Variants in GNAI1 observed in about 807,000 individuals in gnomAD.
GNAI1 encodes the protein guanine nucleotide-binding protein G(i) subunit alpha-1.
A neutral mutation model predicts 38.9 loss-of-function variants in GNAI1; 11 were observed. The observed-to-expected ratio is 0.28, with a 90% CI of 0.18 to 0.47. The LOEUF is 0.47. GNAI1 is among the 20% of genes least tolerant of loss of function. The pLI, the probability that GNAI1 is intolerant of heterozygous loss-of-function variation, is 0.99. For missense variants in GNAI1, 317 were observed against 436.9 expected, an observed-to-expected ratio of 0.73 and a Z score of 2.45; for synonymous variants, 166 against 145.1, an observed-to-expected ratio of 1.14 and a Z score of -1.04.
chr7:80,154,804 T>C (rs1242390294), intron 1 of GNAI1, among the ~76,000 whole-genome samples: 1 of 152,234 alleles, frequency 6.6e-6, no homozygotes, highest in Non-Finnish European at 1.5e-5. Context: ...GTTTTGATTA[T>C]TGTCAGTGGA....
chr7:80,223,465 A>T lies in GNAI1; in HGVS notation c.*5972A>T, dbSNP rs2115746459. Among the ~76,000 whole-genome samples the T allele has an allele frequency of 6.6e-6, 1 of 152,324 alleles. No individual in the cohort carries two copies. Among genetic ancestry groups the T allele is most frequent in the East Asian group, 1.9e-4 (1 of 5,178 alleles). Reference sequence around the variant, plus strand: ...TGTTGTGCACTCTTGAATTTTAATTATGTTCTGTGGAAACTTCACAGAGTT... The same window carrying T: ...TGTTGTGCACTCTTGAATTTTAATTTTGTTCTGTGGAAACTTCACAGAGTT... On this transcript the variant is annotated 3_prime_UTR_variant, in exon 8 of 8. Transcript: ENST00000649796.
intron 1 of GNAI1, among the ~76,000 whole-genome samples, chr7:80,152,943 TA>T (rs899525105): frequency 1.2e-3 from 174 of 147,978 alleles, no homozygotes; most frequent in Admixed American, 3.8e-3. Context: ...TGAAATTTAT[TA>T]AAAAAAAAAC....
At chr7:80,135,433 GT>G (rs1451817817) in intron 1 of GNAI1, 155 bp downstream of exon 1, 1 of 438,022 alleles carries the variant, frequency 2.3e-6, no homozygotes, top group Non-Finnish European at 3.9e-6. Context: ...GGCAAGGCGG[GT>G]CCCCCTCTCC....
At position 80,135,042 on chromosome 7, in the gene GNAI1, G is replaced by A; in HGVS notation, c.-119G>A. Reference sequence around the variant, plus strand: ...ACTCCGCTTAGGAAGTGGTGGGGGCGGCGTGGCCCCCGTCGGGAGGCGTTC... The same window carrying A: ...ACTCCGCTTAGGAAGTGGTGGGGGCAGCGTGGCCCCCGTCGGGAGGCGTTC... On this transcript the variant is annotated 5_prime_UTR_variant, in exon 1 of 8. Coordinates refer to ENST00000649796, the MANE Select transcript of GNAI1 (RefSeq NM_002069.6). 2.0e-6 allele frequency: 1 copy of A among 510,362 alleles called. No homozygotes were observed. Among genetic ancestry groups the A allele is most frequent in the Non-Finnish European group, 3.2e-6 (1 of 307,904 alleles). The allele number at this position is 510,362 out of a possible 1,614,324, so 31.6% of individuals were successfully genotyped here.
At chr7:80,154,353 T>A (rs1185771730) in intron 1 of GNAI1, among the ~76,000 whole-genome samples, 1 of 152,220 alleles carries the variant, frequency 6.6e-6, no homozygotes, top group African/African-American at 2.4e-5. Flanking sequence ...TAAGCTTCTG[T>A]GTGAATTTGG....
intron 4 of GNAI1, among the ~76,000 whole-genome samples, chr7:80,200,324 C>CAAAAATAAAAAAAAA (rs1788658500): frequency 2.5e-5 from 1 of 40,376 alleles, no homozygotes; most frequent in African/African-American, 1.7e-4. Context: ...GGCCATGTCT[C>CAAAAATAAAAAAAAA]AAAAAAAAAA....
chr7:80,212,351 C>CCT (rs774952471), intron 6 of GNAI1, among the ~76,000 whole-genome samples: 13 of 152,206 alleles, frequency 8.5e-5, no homozygotes, highest in Non-Finnish European at 1.9e-4. Context: ...TCTTTAAAAA[C>CCT]CTCTATTTAT....
At chr7:80,197,062 AT>A (rs1788590202) in intron 3 of GNAI1, among the ~76,000 whole-genome samples, 3 of 151,540 alleles carry the variant, frequency 2.0e-5, no homozygotes, top group Admixed American at 2.0e-4. Flanking sequence ...TATTCTTTCA[AT>A]ATGTCTCTCT....
At chr7:80,198,898 G>A (rs1788630246) in intron 3 of GNAI1, among the ~76,000 whole-genome samples, 1 of 152,122 alleles carries the variant, frequency 6.6e-6, no homozygotes. Flanking sequence ...TCTCAAAAAT[G>A]ATCATCTTCA....
chr7:80,152,055 G>A (rs1353840479), intron 1 of GNAI1, among the ~76,000 whole-genome samples: 3 of 151,722 alleles, frequency 2.0e-5, no homozygotes, highest in African/African-American at 7.3e-5. Flanking sequence ...TTTAGTATAC[G>A]CTATTTCCTT....
intron 7 of GNAI1, 59 bp from the exon 8 acceptor site, chr7:80,217,244 T>TGTC: frequency 9.1e-7 from 1 of 1,093,794 alleles, no homozygotes; most frequent in Non-Finnish European, 1.3e-6. Flanking sequence ...CTGAATTCAG[T>TGTC]ATTTTAAGCA....
intron 5 of GNAI1, among the ~76,000 whole-genome samples, chr7:80,209,666 CAG>C (rs1181904886): frequency 6.6e-6 from 1 of 152,132 alleles, no homozygotes; most frequent in Non-Finnish European, 1.5e-5. Context: ...ATTGGATGGA[CAG>C]AGGATGTGTG....
intron 5 of GNAI1, among the ~76,000 whole-genome samples, chr7:80,206,913 A>G (rs1030556539): frequency 2.0e-5 from 3 of 152,098 alleles, no homozygotes; most frequent in Non-Finnish European, 2.9e-5. Flanking sequence ...CACTTTCTCA[A>G]AATACTGTAA....
chr7:80,142,223 A>G (rs1373133742), intron 1 of GNAI1, among the ~76,000 whole-genome samples: 1 of 152,044 alleles, frequency 6.6e-6, no homozygotes, highest in Non-Finnish European at 1.5e-5. Flanking sequence ...CCCATTTCCC[A>G]TTATCTTCAT....
chr7:80,217,359 A>T lies in GNAI1; in HGVS notation c.931A>T (p.Asn311Tyr). ...AYIQCQFEDL[N>Y]KRKDTKEIYT... Reference sequence around the variant, plus strand: ...TATTCAATGTCAGTTTGAAGACCTCAATAAAAGAAAGGACACAAAGGAAAT... The same window carrying T: ...TATTCAATGTCAGTTTGAAGACCTCTATAAAAGAAAGGACACAAAGGAAAT... Residue 311 changes from asparagine (N) to tyrosine (Y), a missense_variant, in exon 8 of 8, where the codon AAT becomes TAT. By Grantham distance (143) the Asn-to-Tyr change is moderately radical. Transcript: ENST00000649796. 6.2e-7 allele frequency: 1 copy of T among 1,607,156 alleles called. No homozygotes were observed. Among genetic ancestry groups the T allele is most frequent in the South Asian group, 1.1e-5 (1 of 90,050 alleles).
intron 1 of GNAI1, among the ~76,000 whole-genome samples, chr7:80,155,326 A>G (rs1787799802): frequency 1.3e-5 from 2 of 152,224 alleles, no homozygotes; most frequent in Admixed American, 1.3e-4. Flanking sequence ...AAAAGTAAAC[A>G]TTCATTGATA....
At chr7:80,200,565 G>A (rs926345622) in intron 4 of GNAI1, among the ~76,000 whole-genome samples, 1 of 152,042 alleles carries the variant, frequency 6.6e-6, no homozygotes, top group Non-Finnish European at 1.5e-5. Context: ...GACAAATTTT[G>A]AAAGGTCTAG....
intron 1 of GNAI1, among the ~76,000 whole-genome samples, chr7:80,171,409 CAA>C: frequency 6.6e-6 from 1 of 152,256 alleles, no homozygotes; most frequent in Middle Eastern, 3.4e-3. Context: ...TCTTGTCTGG[CAA>C]AGACAGCTGA....
chr7:80,180,846 A>G (rs1788281890), intron 1 of GNAI1, among the ~76,000 whole-genome samples: 1 of 152,102 alleles, frequency 6.6e-6, no homozygotes, highest in Non-Finnish European at 1.5e-5. Flanking sequence ...CTTCATGTAA[A>G]GGTTCAAACA....
Sources: gnomAD v4.1 joint callset for allele counts (sites outside exome capture counted in the v4.1 genomes callset) on GRCh38, gnomAD v4.1.1 for gene constraint, MANE v1.5 for transcripts, NCBI Gene and HGNC (gene_info 2026-07-23, HGNC 2026-07-21) for gene names.